Variants in ZNF639 observed in about 807,000 individuals in gnomAD.
The protein encoded by ZNF639 is zinc finger protein 639.
ZNF639 carries 20 observed loss-of-function variants against 39.8 expected under a neutral mutation model. That is an observed-to-expected ratio of 0.50 (90% CI 0.35 to 0.73). ZNF639 has a LOEUF of 0.73. ZNF639 is among the 30% of genes least tolerant of loss of function. The pLI is 0.00. For missense variants in ZNF639, 477 were observed against 566.2 expected (o/e 0.84, Z 1.60); for synonymous variants, 176 against 189.8 (o/e 0.93, Z 0.60).
chr3:179,331,705 G>A (rs181934503), intron 4 of ZNF639, among the ~76,000 whole-genome samples: 27 of 151,384 alleles, frequency 1.8e-4, no homozygotes, highest in Admixed American at 1.4e-3. Context: ...AACCTGGGAG[G>A]CGGAGGTTGT....
At position 179,328,256 on chromosome 3, in the gene ZNF639, A is replaced by G. The variant is rs202091162; in HGVS notation, c.-11-27A>G. 196 of 1,300,740 alleles carry G rather than the reference A, an allele frequency of 1.5e-4. No homozygotes were observed. The East Asian group carries it at 4.5e-3, about 30-fold the overall frequency. 80.6% of individuals were successfully genotyped at this position (1,300,740 alleles called of 1,614,324 possible). On this transcript the variant is annotated intron_variant, in intron 2 of 5. Coordinates refer to ENST00000496856, the MANE Select transcript of ZNF639 (RefSeq NM_001303426.2). ...CATTAACAGTTGTTATTTGTGACATATTTGTTAATTTTTTCTCGTTTTTTA... is the reference window on the plus strand; with the variant it reads ...CATTAACAGTTGTTATTTGTGACATGTTTGTTAATTTTTTCTCGTTTTTTA...
chr3:179,332,188 A>T (rs1727956316), intron 4 of ZNF639, among the ~76,000 whole-genome samples: 1 of 152,272 alleles, frequency 6.6e-6, no homozygotes, highest in South Asian at 2.1e-4. Flanking sequence ...AGTATTGGTC[A>T]TTAATTGTAA....
At position 179,337,733 on chromosome 3, in the gene ZNF639, A is replaced by G. The variant is rs1001652253; in HGVS notation, c.*3311A>G. ...TTCGCCTTGGCCCAGTTTTCAAATC[A>G]ATGATTGACCATAAATTGCTTGAAG... is the stretch of plus-strand genomic sequence containing the variant. On this transcript the variant is annotated 3_prime_UTR_variant, in exon 6 of 6. Coordinates refer to ENST00000496856, the MANE Select transcript of ZNF639 (RefSeq NM_001303426.2). The G allele has an allele frequency of 7.2e-5, 11 of 152,004 alleles. No individual in the cohort carries two copies. The highest frequency in any genetic ancestry group is 2.4e-4 in the African/African-American group (10 of 41,388). 9.4% of individuals were successfully genotyped at this position (152,004 alleles called of 1,614,324 possible).
rs1006878725 is a variant in ZNF639 at position 179,335,922 on chromosome 3, C to G, written c.*1500C>G. 3.9e-5 allele frequency: 6 copies of G among 152,112 alleles called. No individual in the cohort carries two copies. Among genetic ancestry groups the G allele is most frequent in the Non-Finnish European group, 8.8e-5 (6 of 68,098 alleles). The allele number at this position is 152,112 out of a possible 1,614,324, so 9.4% of individuals were successfully genotyped here. A position where few individuals can be genotyped will look rare whatever the true frequency, so the allele number is the denominator to read the frequency against. Reference sequence around the variant, plus strand: ...TCTGCTGCCTCAGCTTCCCAAGTAGCTGGGGTTAACAGGCGTCAGCCACCA... The same window carrying G: ...TCTGCTGCCTCAGCTTCCCAAGTAGGTGGGGTTAACAGGCGTCAGCCACCA... On this transcript the variant is annotated 3_prime_UTR_variant, in exon 6 of 6. Coordinates refer to ENST00000496856, the MANE Select transcript of ZNF639 (RefSeq NM_001303426.2).
In ZNF639 at chr3:179,323,451, C is replaced by G. The variant is rs892586383; in HGVS notation, c.-83+160C>G. On this transcript the variant is annotated intron_variant, in intron 1 of 5. Coordinates refer to ENST00000496856, the MANE Select transcript of ZNF639 (RefSeq NM_001303426.2). The stretch of plus-strand genomic sequence containing the variant: ...ATGGCGGGATGGCGTTCCCCTCCCC[C>G]ATCCCGAAGGCAGTTCCACCCCCTG... 2.6e-5 allele frequency among the ~76,000 whole-genome samples: 4 copies of G among 152,270 alleles called. No homozygotes were observed. In the East Asian group the frequency reaches 7.7e-4, roughly 29 times the overall value.
intron 4 of ZNF639, 76 bp from the exon 5 acceptor site, chr3:179,332,911 TAA>T (rs1000678846): frequency 3.5e-6 from 5 of 1,442,768 alleles, no homozygotes; most frequent in Non-Finnish European, 4.6e-6. Context: ...AAATCATATT[TAA>T]AAATTGATGC....
At chr3:179,323,851 A>G (rs1381301588) in intron 1 of ZNF639, 1 of 152,248 alleles carries the variant, frequency 6.6e-6, no homozygotes, top group Non-Finnish European at 1.5e-5. Context: ...GACGGTGCTT[A>G]GAAACCCCCT....
chr3:179,338,348 A>G lies in ZNF639; in HGVS notation c.*3926A>G, dbSNP rs1302117214. 2 of 152,190 alleles carry G rather than the reference A, an allele frequency of 1.3e-5. No individual in the cohort carries two copies. The highest frequency in any genetic ancestry group is 3.8e-4 in the East Asian group (2 of 5,198). The allele number at this position is 152,190 out of a possible 1,614,324, so 9.4% of individuals were successfully genotyped here. A position where few individuals can be genotyped will look rare whatever the true frequency, so the allele number is the denominator to read the frequency against. ...ACAATGAGTTATTTTGAAATTCCAAAACATTTCCCTGTATTCCAGAAATTG... is the reference window on the plus strand; with the variant it reads ...ACAATGAGTTATTTTGAAATTCCAAGACATTTCCCTGTATTCCAGAAATTG... On this transcript the variant is annotated 3_prime_UTR_variant, in exon 6 of 6. Transcript: ENST00000496856.
At position 179,323,311 on chromosome 3, in the gene ZNF639, G is replaced by A. The variant is rs1727386113; in HGVS notation, c.-83+20G>A. 3 of 985,534 alleles carry A rather than the reference G, an allele frequency of 3.0e-6. No individual in the cohort carries two copies. The highest frequency in any genetic ancestry group is 3.6e-6 in the Non-Finnish European group (3 of 830,092). The allele number at this position is 985,534 out of a possible 1,614,324, so 61.0% of individuals were successfully genotyped here. A position where few individuals can be genotyped will look rare whatever the true frequency, so the allele number is the denominator to read the frequency against. On this transcript the variant is annotated intron_variant, in intron 1 of 5. Transcript: ENST00000496856. ...TGACTGGTGAGTGTGAGGGAGGAGCGGGTGGGTCGGGCGCTGGACTGCTCC... is the reference window on the plus strand; with the variant it reads ...TGACTGGTGAGTGTGAGGGAGGAGCAGGTGGGTCGGGCGCTGGACTGCTCC...
At chr3:179,332,078 G>A (rs1183256445) in intron 4 of ZNF639, among the ~76,000 whole-genome samples, 6 of 152,148 alleles carry the variant, frequency 3.9e-5, no homozygotes, top group African/African-American at 7.2e-5. Flanking sequence ...GAGAGACATG[G>A]CACCTTAATG....
intron 1 of ZNF639, among the ~76,000 whole-genome samples, chr3:179,324,055 C>G (rs1381711212): frequency 6.6e-6 from 1 of 151,588 alleles, no homozygotes; most frequent in Non-Finnish European, 1.5e-5. Flanking sequence ...TCAGGCTCTC[C>G]TGCAACATGT....
At chr3:179,329,499 A>G (rs996949002) in intron 3 of ZNF639, 119 bp from the exon 4 acceptor site, 4 of 608,154 alleles carry the variant, frequency 6.6e-6, no homozygotes, top group African/African-American at 2.0e-5. Flanking sequence ...AATGTATAAT[A>G]TTTTCATTAC....
intron 1 of ZNF639, 88 bp downstream of exon 1, chr3:179,323,379 C>A: frequency 7.1e-6 from 7 of 985,580 alleles, no homozygotes; most frequent in Non-Finnish European, 8.4e-6. Flanking sequence ...CGGGAGAGGG[C>A]GGGAGAGACC....
At chr3:179,328,226 A>C in intron 2 of ZNF639, 57 bp from the exon 3 acceptor site, 1 of 982,234 alleles carries the variant, frequency 1.0e-6, no homozygotes, top group East Asian at 2.5e-5. Flanking sequence ...GAATTTTTAT[A>C]ACGTCATTAA....
chr3:179,332,091 A>G (rs2108504215), intron 4 of ZNF639, among the ~76,000 whole-genome samples: 1 of 152,330 alleles, frequency 6.6e-6, no homozygotes, highest in South Asian at 2.1e-4. Context: ...CCTTAATGGA[A>G]TGTGGTATCC....
Position 179,334,108 on chromosome 3 carries a change from C to T in ZNF639, c.1144C>T (p.Arg382Trp), listed in dbSNP as rs767153760. The change falls in exon 6 of 6, where the codon CGG (arginine) becomes TGG (tryptophan). Residue 382 changes from arginine to tryptophan, a missense_variant. By Grantham distance (101) the Arg-to-Trp change is moderately radical. Coordinates refer to ENST00000496856, the MANE Select transcript of ZNF639 (RefSeq NM_001303426.2). ...NFFVCQVCGF[R>W]SRLHTNVNRH... ...CTTTGTATGTCAAGTATGTGGTTTT[C>T]GGAGTAGACTTCACACAAATGTTAA... 1.9e-6 allele frequency: 3 copies of T among 1,613,670 alleles called. No homozygotes were observed. The highest frequency in any genetic ancestry group is 2.5e-6 in the Non-Finnish European group (3 of 1,179,880).
Position 179,329,746 on chromosome 3 carries a change from G to T in ZNF639, c.169+18G>T. ...CAACAAAGGTATATCTAATATTTTCGAAAATATGTTTCTTTAAACTGCTTT... is the reference window on the plus strand; with the variant it reads ...CAACAAAGGTATATCTAATATTTTCTAAAATATGTTTCTTTAAACTGCTTT... On this transcript the variant is annotated intron_variant, in intron 4 of 5. Transcript: ENST00000496856. The T allele has an allele frequency of 7.2e-7, 1 of 1,385,736 alleles. No individual in the cohort carries two copies. Among genetic ancestry groups the T allele is most frequent in the South Asian group, 1.3e-5 (1 of 75,826 alleles). 85.8% of individuals were successfully genotyped at this position (1,385,736 alleles called of 1,614,324 possible).
Position 179,334,404 on chromosome 3 carries a change from A to G in ZNF639, c.1440A>G (p.Pro480=). The change falls in exon 6 of 6, where the codon CCA becomes CCG. Residue 480 remains proline (P), a synonymous_variant. Coordinates refer to ENST00000496856, the MANE Select transcript of ZNF639 (RefSeq NM_001303426.2). ...AAAGGGAATTAATAAGTCACCTTCCAGTCCATGAGACAACTTGATTATTCT... is the reference window on the plus strand; with the variant it reads ...AAAGGGAATTAATAAGTCACCTTCCGGTCCATGAGACAACTTGATTATTCT... ...GNERELISHL[P]VHETT 1 of 1,548,118 alleles carries G rather than the reference A, an allele frequency of 6.5e-7. No individual in the cohort carries two copies. Among genetic ancestry groups the G allele is most frequent in the South Asian group, 1.3e-5 (1 of 79,450 alleles).
At chr3:179,324,287 C>T (rs1297336264) in intron 1 of ZNF639, among the ~76,000 whole-genome samples, 1 of 151,900 alleles carries the variant, frequency 6.6e-6, no homozygotes, top group Non-Finnish European at 1.5e-5. Context: ...TGTGCATAGA[C>T]TTTCTTGTTG....
Sources: gnomAD v4.1 joint callset for allele counts (sites outside exome capture counted in the v4.1 genomes callset) on GRCh38, gnomAD v4.1.1 for gene constraint, MANE v1.5 for transcripts, NCBI Gene and HGNC (gene_info 2026-07-23, HGNC 2026-07-21) for gene names.